Variants in BLMH observed in about 807,000 individuals in gnomAD.
BLMH encodes the protein BLM hydrolase.
A neutral mutation model predicts 61.6 loss-of-function variants in BLMH; 32 were observed. The ratio of observed to expected loss-of-function variants is 0.52; its 90% CI spans 0.39 to 0.70. The LOEUF (loss-of-function observed/expected upper bound fraction) is 0.70, where lower values mean the gene tolerates loss of function less well. BLMH is among the 30% of genes least tolerant of loss of function. The pLI is 0.00. For synonymous variants in BLMH, 183 were observed against 193.8 expected (o/e 0.94, Z 0.46); for missense variants, 460 against 555.5 (o/e 0.83, Z 1.73).
chr17:30,280,035 T>C (rs1383272801), intron 6 of BLMH, among the ~76,000 whole-genome samples: 2 of 152,142 alleles, frequency 1.3e-5, no homozygotes, highest in Non-Finnish European at 1.5e-5. Context: ...GATGCAGCAG[T>C]TGAGAGTCAG....
chr17:30,278,638 T>C (rs770310172), intron 6 of BLMH, among the ~76,000 whole-genome samples: 1 of 152,172 alleles, frequency 6.6e-6, no homozygotes, highest in Non-Finnish European at 1.5e-5. Context: ...CAGATACATA[T>C]GTTAAGAAAT....
chr17:30,264,366 C>A (rs1908042246), intron 11 of BLMH, among the ~76,000 whole-genome samples: 1 of 151,982 alleles, frequency 6.6e-6, no homozygotes, highest in Non-Finnish European at 1.5e-5. Context: ...TAGCAAGATC[C>A]CATATTTTAC....
intron 5 of BLMH, among the ~76,000 whole-genome samples, chr17:30,286,070 C>T (rs1402544548): frequency 6.6e-6 from 1 of 151,982 alleles, no homozygotes; most frequent in East Asian, 1.9e-4. Context: ...GATAAGAATC[C>T]CCAGCGTTTC....
intron 6 of BLMH, among the ~76,000 whole-genome samples, chr17:30,283,609 C>T (rs1280724811): frequency 6.6e-6 from 1 of 150,506 alleles, no homozygotes; most frequent in East Asian, 1.9e-4. Context: ...GCAAGCTCTG[C>T]CTCCTGGGTT....
At chr17:30,268,047 T>A (rs919125470) in intron 10 of BLMH, among the ~76,000 whole-genome samples, 6 of 152,220 alleles carry the variant, frequency 3.9e-5, no homozygotes, top group Non-Finnish European at 2.9e-5. Context: ...ATCCTTACTC[T>A]TTGCCCCCAA....
intron 11 of BLMH, among the ~76,000 whole-genome samples, chr17:30,254,072 C>A (rs866655134): frequency 9.9e-5 from 15 of 152,036 alleles, no homozygotes; most frequent in African/African-American, 3.4e-4. Context: ...TTTCTGAAAT[C>A]CCACCAGAAA....
intron 2 of BLMH, chr17:30,291,080 A>G (rs1908872197): frequency 1.8e-6 from 1 of 566,154 alleles, no homozygotes; most frequent in African/African-American, 1.9e-5. Context: ...TCAAACGTAT[A>G]CTCATGGACA....
intron 11 of BLMH, among the ~76,000 whole-genome samples, chr17:30,256,160 T>C (rs1244417048): frequency 6.6e-6 from 1 of 152,208 alleles, no homozygotes; most frequent in East Asian, 1.9e-4. Context: ...CCTCTGGGGT[T>C]ACAGGGGTAA....
chr17:30,283,468 G>A (rs1908644878), intron 6 of BLMH, among the ~76,000 whole-genome samples: 1 of 151,000 alleles, frequency 6.6e-6, no homozygotes, highest in Non-Finnish European at 1.5e-5. Flanking sequence ...TATTATCTGG[G>A]CCCTTTTCCA....
At chr17:30,282,580 T>C (rs1908622590) in intron 6 of BLMH, among the ~76,000 whole-genome samples, 1 of 152,194 alleles carries the variant, frequency 6.6e-6, no homozygotes, top group South Asian at 2.1e-4. Flanking sequence ...GAGATAACAT[T>C]GCAATAGAGG....
intron 6 of BLMH, among the ~76,000 whole-genome samples, chr17:30,274,712 TG>T (rs1201862301): frequency 1.3e-5 from 2 of 152,278 alleles, no homozygotes; most frequent in East Asian, 3.9e-4. Context: ...CCAGGTGCAG[TG>T]GTTCATGCCT....
chr17:30,267,025 G>A, intron 10 of BLMH, 71 bp from the exon 11 acceptor site: 1 of 1,460,314 alleles, frequency 6.8e-7, no homozygotes, highest in Non-Finnish European at 9.6e-7. Context: ...TATAATTTTA[G>A]CTCTTCTGTA....
chr17:30,253,376 G>T (rs1347679979), intron 11 of BLMH, among the ~76,000 whole-genome samples: 1 of 152,126 alleles, frequency 6.6e-6, no homozygotes, highest in Non-Finnish European at 1.5e-5. Flanking sequence ...AAGAGGACCC[G>T]CCTTGATTAG....
At chr17:30,269,915 G>T (rs1220601787) in intron 10 of BLMH, among the ~76,000 whole-genome samples, 2 of 152,136 alleles carry the variant, frequency 1.3e-5, no homozygotes, top group Non-Finnish European at 2.9e-5. Context: ...TAATTTGCAG[G>T]AATGTAATTA....
At chr17:30,273,041 A>G (rs1256868283) in intron 7 of BLMH, 142 bp from the exon 8 acceptor site, 1 of 905,600 alleles carries the variant, frequency 1.1e-6, no homozygotes, top group East Asian at 2.6e-5. Flanking sequence ...GTTAAGTAAC[A>G]AAGAAACACA....
chr17:30,256,078 G>A (rs1907806537), intron 11 of BLMH, among the ~76,000 whole-genome samples: 1 of 152,072 alleles, frequency 6.6e-6, no homozygotes, highest in South Asian at 2.1e-4. Context: ...GTTGAGATGG[G>A]GTCTTACGAT....
chr17:30,258,575 G>A (rs1907877203), intron 11 of BLMH, among the ~76,000 whole-genome samples: 2 of 152,130 alleles, frequency 1.3e-5, no homozygotes, highest in South Asian at 2.1e-4. Flanking sequence ...TCAGTCAGCA[G>A]AAGTGTCCAC....
chr17:30,286,232 T>C (rs1908724288), intron 5 of BLMH, among the ~76,000 whole-genome samples: 1 of 152,212 alleles, frequency 6.6e-6, no homozygotes, highest in Non-Finnish European at 1.5e-5. Context: ...TCAAAAACCA[T>C]GCCTGGCTAG....
rs760945368 is a variant in BLMH, at chr17:30,289,400, G to A, written c.294C>T (p.Ser98=). ...TGTCCCAAAAAAACAGGTAAGATTG[G>A]CTAAACTCAAATTCTTCAATATTTA... ...KKLNIEEFEF[S]QSYLFFWDKV... is the part of the protein sequence containing the mutation. The change falls in exon 3 of 12, where the codon AGC becomes AGT. Residue 98 remains serine, a synonymous_variant. Transcript: ENST00000261714. 6 of 1,610,294 alleles carry A rather than the reference G, an allele frequency of 3.7e-6. No individual in the cohort carries two copies. The East Asian group carries it at 1.1e-4, about 30-fold the overall frequency.
Sources: gnomAD v4.1 joint callset for allele counts (sites outside exome capture counted in the v4.1 genomes callset) on GRCh38, gnomAD v4.1.1 for gene constraint, MANE v1.5 for transcripts, NCBI Gene and HGNC (gene_info 2026-07-23, HGNC 2026-07-21) for gene names.